The following KIF13B variants were observed in gnomAD, a reference collection of about 807,000 sequenced individuals.
KIF13B encodes the protein kinesin family member 13B.
Under a neutral mutation model 222.0 loss-of-function variants are expected in KIF13B, and 127 were observed. The observed-to-expected ratio is 0.57, with a 90% CI of 0.50 to 0.66. The LOEUF (loss-of-function observed/expected upper bound fraction) is 0.66, where lower values mean the gene tolerates loss of function less well. KIF13B is among the 30% of genes least tolerant of loss of function. The pLI is 0.00. For missense variants in KIF13B, 2,173 were observed against 2,379.0 expected, an observed-to-expected ratio of 0.91 and a Z score of 1.80; for synonymous variants, 976 against 919.0, an observed-to-expected ratio of 1.06 and a Z score of -1.12.
chr8:29,124,506 G>C (rs969015624), intron 26 of KIF13B, among the ~76,000 whole-genome samples: 5 of 152,160 alleles, frequency 3.3e-5, no homozygotes, highest in African/African-American at 1.2e-4. Context: ...CCAGCACTTT[G>C]GGAGGCTGAG....
rs1383511122 is a variant in KIF13B at position 29,217,902 on chromosome 8, A to G, written c.150-21703T>C. Among the ~76,000 whole-genome samples the G allele has an allele frequency of 7.2e-5, 11 of 152,314 alleles. No individual in the cohort carries two copies. In the East Asian group the frequency reaches 2.1e-3, roughly 29 times the overall value. ...ATGGTTCATTATAATTTTCCATATT[A>G]ATCAGCTCTATCACTCACTAATATT... On this transcript the variant is annotated intron_variant, in intron 2 of 39. Transcript: ENST00000524189.
chr8:29,133,946 A>T (rs1221973477), intron 22 of KIF13B, 94 bp downstream of exon 22: 1 of 1,228,104 alleles, frequency 8.1e-7, no homozygotes, highest in Non-Finnish European at 1.1e-6. Flanking sequence ...CAAGACATAT[A>T]ACGGCACATT....
At chr8:29,171,749 T>A (rs1217551790) in intron 10 of KIF13B, among the ~76,000 whole-genome samples, 3 of 150,664 alleles carry the variant, frequency 2.0e-5, no homozygotes, top group South Asian at 2.1e-4. Context: ...TCATATAATT[T>A]TTTTTTCTTC....
At chr8:29,136,258 G>C (rs1419740989) in intron 21 of KIF13B, among the ~76,000 whole-genome samples, 1 of 152,118 alleles carries the variant, frequency 6.6e-6, no homozygotes, top group Non-Finnish European at 1.5e-5. Context: ...AAGATTACAA[G>C]ATATTGGAGT....
Position 29,257,233 on chromosome 8 carries a change from A to G in KIF13B, c.55+5747T>C, listed in dbSNP as rs1185530861. ...TCTAAAGATATCTTTATCTCCTCAG[A>G]GCGAAAGCCCCATACAGTTAAGTCA... On this transcript the variant is annotated intron_variant, in intron 1 of 39. Transcript: ENST00000524189. Among the ~76,000 whole-genome samples, 6 of 152,160 alleles carry G rather than the reference A, an allele frequency of 3.9e-5. No homozygotes were observed. In the East Asian group the frequency reaches 1.2e-3, roughly 29 times the overall value.
In KIF13B at chr8:29,146,379, T is replaced by C. The variant is rs768990907; in HGVS notation, c.2186A>G (p.Lys729Arg). The C allele has an allele frequency of 5.0e-6, 8 of 1,613,778 alleles. No individual in the cohort carries two copies. The South Asian group carries it at 7.7e-5, about 16-fold the overall frequency. ...IPASSLDANR[K>R]RGSLLSEPAI... ...TTTTTCAAGGAACGGCAACCTCACC[T>C]TCCTGTTGGCATCCAGGCTGGAGGC... is the stretch of plus-strand genomic sequence containing the variant. The change falls in exon 18 of 40, where the codon AAG becomes AGG. Residue 729 changes from lysine to arginine, a missense_variant and splice_region_variant. By Grantham distance (26) the Lys-to-Arg change is conservative. Coordinates refer to ENST00000524189, the MANE Select transcript of KIF13B (RefSeq NM_015254.4).
chr8:29,213,622 C>T (rs1051727031), intron 2 of KIF13B, among the ~76,000 whole-genome samples: 2 of 152,140 alleles, frequency 1.3e-5, no homozygotes, highest in African/African-American at 4.8e-5. Context: ...CTGGAGGCAA[C>T]TGTAACACAA....
At chr8:29,238,623 TG>T (rs556316504) in intron 2 of KIF13B, among the ~76,000 whole-genome samples, 112 of 152,248 alleles carry the variant, frequency 7.4e-4, no homozygotes, top group South Asian at 1.5e-3. Context: ...ACATGACACA[TG>T]GGGGATGGAG....
At chr8:29,156,355 T>C (rs891624700) in intron 13 of KIF13B, among the ~76,000 whole-genome samples, 11 of 152,134 alleles carry the variant, frequency 7.2e-5, no homozygotes, top group Non-Finnish European at 1.2e-4. Context: ...TGAAAAGCAG[T>C]TGGTTGACCC....
intron 3 of KIF13B, among the ~76,000 whole-genome samples, chr8:29,194,368 G>A (rs1813327707): frequency 6.6e-6 from 1 of 151,228 alleles, no homozygotes; most frequent in Non-Finnish European, 1.5e-5. Flanking sequence ...TTTGAGTCGA[G>A]AGGCTATTCC....
chr8:29,148,533 T>A, intron 16 of KIF13B, 44 bp downstream of exon 16: 2 of 1,461,308 alleles, frequency 1.4e-6, no homozygotes. Context: ...CCTCAGCCTC[T>A]ACCAACTGGA....
chr8:29,161,170 T>C (rs1479127875), intron 12 of KIF13B, among the ~76,000 whole-genome samples: 1 of 152,202 alleles, frequency 6.6e-6, no homozygotes, highest in East Asian at 1.9e-4. Context: ...ACTCTGTATA[T>C]ATAAAAGCAA....
intron 15 of KIF13B, 66 bp downstream of exon 15, chr8:29,150,231 C>A: frequency 1.2e-6 from 1 of 848,774 alleles, no homozygotes; most frequent in South Asian, 1.6e-5. Context: ...TACTTTTTAA[C>A]ATGTATTTTC....
chr8:29,136,366 G>C (rs1290263900), intron 21 of KIF13B, among the ~76,000 whole-genome samples: 10 of 152,046 alleles, frequency 6.6e-5, no homozygotes, highest in Non-Finnish European at 2.9e-5. Context: ...ATCACCTGAG[G>C]TCGGCAGTTC....
intron 37 of KIF13B, among the ~76,000 whole-genome samples, chr8:29,091,734 C>T (rs1182820534): frequency 6.6e-6 from 1 of 152,182 alleles, no homozygotes; most frequent in East Asian, 1.9e-4. Context: ...ACCTCGGTCC[C>T]CACAGGACTT....
intron 1 of KIF13B, among the ~76,000 whole-genome samples, chr8:29,256,561 G>GATC (rs1259377876): frequency 1.3e-5 from 2 of 152,204 alleles, no homozygotes; most frequent in Non-Finnish European, 2.9e-5. Flanking sequence ...TTTGATGGAA[G>GATC]ATCAAGACTT....
chr8:29,223,525 AAGAT>A (rs1359854644), intron 2 of KIF13B, among the ~76,000 whole-genome samples: 3 of 152,166 alleles, frequency 2.0e-5, no homozygotes, highest in South Asian at 2.1e-4. Context: ...AAATGGATAA[AAGAT>A]AGATCAATAT....
At chr8:29,160,627 T>A (rs1023586379) in intron 13 of KIF13B, 106 bp downstream of exon 13, 1 of 1,005,480 alleles carries the variant, frequency 9.9e-7, no homozygotes, top group Non-Finnish European at 1.4e-6. Context: ...GTTCTATAAC[T>A]TTTTGCTGTT....
chr8:29,246,857 T>A (rs992607246), intron 1 of KIF13B, among the ~76,000 whole-genome samples: 3 of 152,170 alleles, frequency 2.0e-5, no homozygotes, highest in Admixed American at 1.3e-4. Context: ...GGAGAAAGAA[T>A]AGTCTTTTCA....
Sources: gnomAD v4.1 joint callset for allele counts (sites outside exome capture counted in the v4.1 genomes callset) on GRCh38, gnomAD v4.1.1 for gene constraint, MANE v1.5 for transcripts, NCBI Gene and HGNC (gene_info 2026-07-23, HGNC 2026-07-21) for gene names.